Variants in PCDHAC1 observed in about 807,000 individuals in gnomAD.
PCDHAC1 encodes the protein protocadherin alpha-C1.
PCDHAC1 carries 42 observed loss-of-function variants against 60.0 expected under a neutral mutation model. The observed-to-expected ratio is 0.70, with a 90% CI of 0.55 to 0.90. PCDHAC1 has a LOEUF of 0.90. Ranked by LOEUF, PCDHAC1 falls within the 40% of genes least tolerant of loss-of-function variation. PCDHAC1 has a pLI of 0.00. For missense variants in PCDHAC1, 1,160 were observed against 1,222.3 expected (o/e 0.95, Z 0.76); for synonymous variants, 468 against 499.3 (o/e 0.94, Z 0.84).
chr5:140,951,220 C>G (rs1554219798), intron 1 of PCDHAC1, among the ~76,000 whole-genome samples: 1 of 151,926 alleles, frequency 6.6e-6, no homozygotes, highest in Non-Finnish European at 1.5e-5. Context: ...GGTTTGGATT[C>G]TTGATGGTCT....
At chr5:140,970,408 A>G (rs1292683019) in intron 1 of PCDHAC1, among the ~76,000 whole-genome samples, 1 of 152,202 alleles carries the variant, frequency 6.6e-6, no homozygotes, top group Admixed American at 6.5e-5. Context: ...GGCTTACCCT[A>G]CAGTAAGGTG....
At chr5:140,941,202 CCTTTCTTTCTTCCTTT>C (rs1307053809) in intron 1 of PCDHAC1, among the ~76,000 whole-genome samples, 1 of 122,742 alleles carries the variant, frequency 8.1e-6, no homozygotes, top group Non-Finnish European at 1.8e-5. Context: ...TTTCTTTCTT[CCTTTCTTTCTTCCTTT>C]CTTTCTTTCT....
intron 3 of PCDHAC1, among the ~76,000 whole-genome samples, chr5:141,000,365 C>G (rs1413548696): frequency 7.8e-5 from 1 of 12,832 alleles, no homozygotes; most frequent in Non-Finnish European, 1.3e-4. Flanking sequence ...CTCTCTGTCT[C>G]TCTCTCTCTC....
intron 1 of PCDHAC1, chr5:140,968,996 G>T: frequency 1.2e-6 from 2 of 1,614,202 alleles, no homozygotes; most frequent in Non-Finnish European, 1.7e-6. Flanking sequence ...ATGCTGTGGA[G>T]GCTTCTGTGG....
intron 1 of PCDHAC1, among the ~76,000 whole-genome samples, chr5:140,950,402 G>A (rs1459486068): frequency 6.6e-6 from 1 of 151,846 alleles, no homozygotes; most frequent in African/African-American, 2.4e-5. Context: ...AATTCTGGGG[G>A]ATTGACAGAT....
chr5:140,946,019 C>CA (rs1222084270), intron 1 of PCDHAC1, among the ~76,000 whole-genome samples: 3 of 151,732 alleles, frequency 2.0e-5, no homozygotes, highest in Non-Finnish European at 4.4e-5. Flanking sequence ...TCCTGCGCAG[C>CA]AAAGAAAACA....
Position 140,969,197 on chromosome 5 carries a change from A to G in PCDHAC1, c.2434-9752A>G, listed in dbSNP as rs782342139. 4 of 1,614,132 alleles carry G rather than the reference A, an allele frequency of 2.5e-6. No individual in the cohort carries two copies. In the South Asian group the frequency reaches 4.4e-5, roughly 18 times the overall value. On this transcript the variant is annotated intron_variant, in intron 1 of 3. Coordinates refer to ENST00000253807, the MANE Select transcript of PCDHAC1 (RefSeq NM_018898.5). ...GAGTGACACTTTCATGTTTTACAAT[A>G]CAGGGGCCCAGACAGGACCAGGGCC...
chr5:141,006,567 C>T (rs2098278386), intron 3 of PCDHAC1, among the ~76,000 whole-genome samples: 1 of 152,030 alleles, frequency 6.6e-6, no homozygotes, highest in Admixed American at 6.6e-5. Flanking sequence ...ACTCTGGCTA[C>T]TGTGTGGAGG....
chr5:141,009,905 G>A lies in PCDHAC1; in HGVS notation c.2860G>A (p.Gly954Arg), dbSNP rs781954349. The change falls in exon 4 of 4, where the codon GGG becomes AGG. Residue 954 changes from glycine (G) to arginine (R), a missense_variant. Physicochemically the swap from Gly to Arg is moderately radical, Grantham distance 125. Coordinates refer to ENST00000253807, the MANE Select transcript of PCDHAC1 (RefSeq NM_018898.5). ...GNKTQEKKEK[G>R]NSTTDNSDQ Reference sequence around the variant, plus strand: ...CAAGACCCAGGAGAAAAAAGAGAAAGGGAACAGCACGACTGACAACAGTGA... The same window carrying A: ...CAAGACCCAGGAGAAAAAAGAGAAAAGGAACAGCACGACTGACAACAGTGA... 7.4e-6 allele frequency: 12 copies of A among 1,613,058 alleles called. No homozygotes were observed. Among genetic ancestry groups the A allele is most frequent in the Non-Finnish European group, 1.0e-5 (12 of 1,179,832 alleles).
chr5:141,009,449 A>T, intron 3 of PCDHAC1, among the ~76,000 whole-genome samples, 178 bp from the exon 4 acceptor site: 1 of 152,184 alleles, frequency 6.6e-6, no homozygotes, highest in Non-Finnish European at 1.5e-5. Context: ...GTCTCAAAAA[A>T]ATTAAACAAA....
intron 1 of PCDHAC1, chr5:140,967,283 C>T: frequency 6.2e-7 from 1 of 1,613,158 alleles, no homozygotes; most frequent in Non-Finnish European, 8.5e-7. Context: ...AGAGAGTGCG[C>T]AGGACCCCGA....
rs781972089 is a variant in PCDHAC1 at position 141,009,851 on chromosome 5, A to G, written c.2806A>G (p.Lys936Glu). 1 of 1,614,060 alleles carries G rather than the reference A, an allele frequency of 6.2e-7. No individual in the cohort carries two copies. Among genetic ancestry groups the G allele is most frequent in the Non-Finnish European group, 8.5e-7 (1 of 1,179,986 alleles). Residue 936 changes from lysine to glutamate, a missense_variant, in exon 4 of 4, where the codon AAG becomes GAG. Transcript: ENST00000253807. ...AACCTTCGGCAAAAAGGAGGAGACC[A>G]AGAAAAAGAAGAAAAAGAAGAAGGG... is the stretch of plus-strand genomic sequence containing the variant. ...FITFGKKEETKKKKKKKKGNK... is the reference protein window; with the variant it reads ...FITFGKKEETEKKKKKKKGNK...
At chr5:140,970,911 T>C (rs1003828575) in intron 1 of PCDHAC1, among the ~76,000 whole-genome samples, 2 of 152,194 alleles carry the variant, frequency 1.3e-5, no homozygotes, top group East Asian at 3.9e-4. Context: ...ATTTATTCAT[T>C]TATCAGAAGT....
In PCDHAC1 at chr5:140,927,151, T is replaced by C. The variant is rs781865588; in HGVS notation, c.259T>C (p.Cys87Arg). Reference protein sequence around the residue: ...VREPADREQLCRAKAACVLTY... With the variant: ...VREPADREQLRRAKAACVLTY... ...AGAGCCGGCGGACCGCGAACAGCTGTGCAGGGCCAAAGCTGCCTGCGTCTT... is the reference window on the plus strand; with the variant it reads ...AGAGCCGGCGGACCGCGAACAGCTGCGCAGGGCCAAAGCTGCCTGCGTCTT... Residue 87 changes from cysteine to arginine, a missense_variant, in exon 1 of 4, where the codon TGC (cysteine) becomes CGC (arginine). By Grantham distance (180) the Cys-to-Arg change is radical (BLOSUM62 -3). Coordinates refer to ENST00000253807, the MANE Select transcript of PCDHAC1 (RefSeq NM_018898.5). 15 of 1,614,128 alleles carry C rather than the reference T, an allele frequency of 9.3e-6. No homozygotes were observed. In the East Asian group the frequency reaches 3.3e-4, roughly 36 times the overall value.
At chr5:140,968,626 T>C in intron 1 of PCDHAC1, 1 of 1,614,156 alleles carries the variant, frequency 6.2e-7, no homozygotes. Context: ...ATGCTTGGCT[T>C]TTTTACCATC....
intron 1 of PCDHAC1, among the ~76,000 whole-genome samples, chr5:140,965,508 T>C (rs1278735339): frequency 6.6e-6 from 1 of 152,124 alleles, no homozygotes; most frequent in Non-Finnish European, 1.5e-5. Context: ...TTTTTTTTTT[T>C]TTTAACTGCA....
chr5:140,929,694 A>G, intron 1 of PCDHAC1: 1 of 270,028 alleles, frequency 3.7e-6, no homozygotes, highest in Non-Finnish European at 7.3e-6. Flanking sequence ...AGTCTGCTTT[A>G]TATGAATATA....
In PCDHAC1 at chr5:140,926,987, G is replaced by T; in HGVS notation, c.95G>T (p.Arg32Leu). The part of the protein sequence containing the change: ...LEYSVPEETE[R>L]GVAVGNLSAD... ...TACTCAGTGCCGGAGGAGACGGAGC[G>T]GGGCGTAGCCGTAGGCAATCTCTCC... The change falls in exon 1 of 4, where the codon CGG becomes CTG. Residue 32 changes from arginine (R) to leucine (L), a missense_variant. By Grantham distance (102) the Arg-to-Leu change is moderately radical. Around this residue, in one of 3 missense-constraint regions of PCDHAC1, gnomAD observed 43 missense variants for 40.4 expected, o/e 1.06. Coordinates refer to ENST00000253807, the MANE Select transcript of PCDHAC1 (RefSeq NM_018898.5). 6.2e-7 allele frequency: 1 copy of T among 1,610,996 alleles called. No individual in the cohort carries two copies. The highest frequency in any genetic ancestry group is 1.3e-5 in the African/African-American group (1 of 75,012).
At chr5:140,987,011 C>G (rs1266225593) in intron 3 of PCDHAC1, among the ~76,000 whole-genome samples, 1 of 151,990 alleles carries the variant, frequency 6.6e-6, no homozygotes, top group African/African-American at 2.4e-5. Context: ...GTCATGAGTT[C>G]GAGACCAGCC....
Sources: allele counts gnomAD v4.1 joint callset (sites outside exome capture counted in the v4.1 genomes callset), GRCh38; gene constraint gnomAD v4.1.1; regional missense constraint gnomAD v4.1.1; transcripts MANE v1.5; gene names NCBI Gene and HGNC (gene_info 2026-07-23, HGNC 2026-07-21).